Variants in RPS6KC1 observed in about 807,000 individuals in gnomAD.
The protein encoded by RPS6KC1 is inactive ribosomal protein S6 kinase delta-1.
In RPS6KC1, 54 loss-of-function variants were observed where a neutral mutation model predicts 103.8. The observed-to-expected ratio is 0.52, with a 90% CI of 0.42 to 0.65. The LOEUF is 0.65. Ranked by LOEUF, RPS6KC1 falls within the 30% of genes least tolerant of loss-of-function variation. RPS6KC1 has a pLI of 0.00. For synonymous variants in RPS6KC1, 439 were observed against 438.7 expected (o/e 1.00, Z -0.01); for missense variants, 1,151 against 1,253.8 (o/e 0.92, Z 1.24).
the RPS6KC1 span, among the ~76,000 whole-genome samples, chr1:213,856,168 C>A: frequency 7.9e-3 from 1,206 of 152,212 alleles, 23 homozygotes; most frequent in African/African-American, 0.027. Flanking sequence ...CTCTGTGGAC[C>A]CCTCACACAC....
At chr1:213,849,318 C>T in the RPS6KC1 span, among the ~76,000 whole-genome samples, 30 of 152,210 alleles carry the variant, frequency 2.0e-4, 1 homozygote, top group African/African-American at 7.0e-4. Flanking sequence ...CAGCAGCAGA[C>T]GCCCATAGGG....
At chr1:213,428,499 TTC>T in the RPS6KC1 span, among the ~76,000 whole-genome samples, 2 of 69,926 alleles carry the variant, frequency 2.9e-5, no homozygotes. Flanking sequence ...CCTTCCTTCC[TTC>T]CTTCCTTCCT....
chr1:213,196,113 C>A (rs372572565), intron 8 of RPS6KC1, among the ~76,000 whole-genome samples: 2 of 151,998 alleles, frequency 1.3e-5, no homozygotes, highest in African/African-American at 4.8e-5. Context: ...TAGAAGTGTT[C>A]CCTTTTCACC....
chr1:213,283,835 AACC>A, the RPS6KC1 span, among the ~76,000 whole-genome samples: 1 of 152,194 alleles, frequency 6.6e-6, no homozygotes, highest in Admixed American at 6.5e-5. Context: ...TGCTTTAAAA[AACC>A]ACCAAAACAA....
the RPS6KC1 span, among the ~76,000 whole-genome samples, chr1:213,673,822 C>A: frequency 6.6e-6 from 1 of 151,966 alleles, no homozygotes; most frequent in Middle Eastern, 3.4e-3. Context: ...AATAATTATT[C>A]TTTCTTTTTT....
At chr1:213,783,845 CA>C in the RPS6KC1 span, among the ~76,000 whole-genome samples, 4 of 124,824 alleles carry the variant, frequency 3.2e-5, no homozygotes, top group Non-Finnish European at 5.0e-5. Flanking sequence ...AAAAAAAATC[CA>C]AACCACACAA....
the RPS6KC1 span, among the ~76,000 whole-genome samples, chr1:213,320,360 A>G: frequency 6.6e-6 from 1 of 152,250 alleles, no homozygotes; most frequent in Non-Finnish European, 1.5e-5. Flanking sequence ...CTCATTTTCA[A>G]TTAGCACAAA....
chr1:213,399,853 T>C, the RPS6KC1 span, among the ~76,000 whole-genome samples: 1 of 152,170 alleles, frequency 6.6e-6, no homozygotes, highest in African/African-American at 2.4e-5. Flanking sequence ...TCTACCTTTG[T>C]AGCCTGTGCC....
At chr1:213,647,930 C>T in the RPS6KC1 span, among the ~76,000 whole-genome samples, 1 of 152,076 alleles carries the variant, frequency 6.6e-6, no homozygotes, top group Non-Finnish European at 1.5e-5. Context: ...TTGAGCACTG[C>T]ACAACTTCTT....
chr1:213,390,005 C>T, the RPS6KC1 span, among the ~76,000 whole-genome samples: 2 of 152,102 alleles, frequency 1.3e-5, no homozygotes, highest in Admixed American at 6.5e-5. Flanking sequence ...ATTAGTGGTG[C>T]GGTAGGGACG....
At chr1:213,843,618 C>A in the RPS6KC1 span, 1 of 152,004 alleles carries the variant, frequency 6.6e-6, no homozygotes, top group African/African-American at 2.4e-5. Flanking sequence ...AAAGCATGGG[C>A]CAACACAGTT....
Position 213,077,818 on chromosome 1 carries a change from T to A in RPS6KC1, c.262+2T>A, listed in dbSNP as rs572501513. The A allele has an allele frequency of 6.6e-7, 1 of 1,510,532 alleles. No individual in the cohort carries two copies. The highest frequency in any genetic ancestry group is 1.4e-5 in the African/African-American group (1 of 71,128). 93.6% of individuals were successfully genotyped at this position (1,510,532 alleles called of 1,614,324 possible). Reference sequence around the variant, plus strand: ...CATTTGCTAAAGGAATAGTGTTTGGTAAGTGATTATTTTGAAATTGTAATT... The same window carrying A: ...CATTTGCTAAAGGAATAGTGTTTGGAAAGTGATTATTTTGAAATTGTAATT... On this transcript the variant is annotated splice_donor_variant, in intron 3 of 14. Coordinates refer to ENST00000366960, the MANE Select transcript of RPS6KC1 (RefSeq NM_012424.6). LOFTEE classifies it high-confidence loss of function.
intron 14 of RPS6KC1, among the ~76,000 whole-genome samples, chr1:213,268,167 C>G (rs1001402528): frequency 1.3e-5 from 2 of 151,676 alleles, no homozygotes; most frequent in African/African-American, 4.8e-5. Flanking sequence ...AAGGTAAAAA[C>G]AAGAAAATTT....
At chr1:213,301,820 C>T in the RPS6KC1 span, among the ~76,000 whole-genome samples, 1 of 151,926 alleles carries the variant, frequency 6.6e-6, no homozygotes, top group Non-Finnish European at 1.5e-5. Flanking sequence ...ACTGCAACCT[C>T]CACCTCCTAG....
chr1:213,726,167 C>T, the RPS6KC1 span, among the ~76,000 whole-genome samples: 1 of 152,292 alleles, frequency 6.6e-6, no homozygotes, highest in South Asian at 2.1e-4. Context: ...TCACTGCAAG[C>T]TTTGACCTCC....
chr1:213,137,777 C>CTCTCTCTCTCTCTA (rs1387641875), intron 6 of RPS6KC1, among the ~76,000 whole-genome samples: 9 of 63,590 alleles, frequency 1.4e-4, no homozygotes, highest in Non-Finnish European at 2.0e-4. Flanking sequence ...CTCTCTCTCT[C>CTCTCTCTCTCTCTA]TATATATATA....
chr1:213,771,905 G>A, the RPS6KC1 span, among the ~76,000 whole-genome samples: 1 of 152,180 alleles, frequency 6.6e-6, no homozygotes, highest in Non-Finnish European at 1.5e-5. Flanking sequence ...GAACGATGAT[G>A]AACATTCAAA....
the RPS6KC1 span, among the ~76,000 whole-genome samples, chr1:213,737,211 C>T: frequency 6.6e-6 from 1 of 152,242 alleles, no homozygotes; most frequent in Non-Finnish European, 1.5e-5. Flanking sequence ...ACCTCTTCTA[C>T]AACACCATCC....
the RPS6KC1 span, among the ~76,000 whole-genome samples, chr1:213,351,601 A>G: frequency 6.6e-6 from 1 of 152,340 alleles, no homozygotes; most frequent in Admixed American, 6.5e-5. Flanking sequence ...TGAATGCTAT[A>G]GTCATGACAC....
Sources: allele counts gnomAD v4.1 joint callset (sites outside exome capture counted in the v4.1 genomes callset), GRCh38; gene constraint gnomAD v4.1.1; transcripts MANE v1.5; gene names NCBI Gene and HGNC (gene_info 2026-07-23, HGNC 2026-07-21).